Variants in NRIP1 observed in about 807,000 individuals in gnomAD.
NRIP1 encodes nuclear receptor-interacting protein 1.
Under a neutral mutation model 75.0 loss-of-function variants are expected in NRIP1, and 28 were observed. The ratio of observed to expected loss-of-function variants is 0.37; its 90% confidence interval spans 0.28 to 0.51. The LOEUF is 0.51. Ranked by LOEUF, NRIP1 falls within the 20% of genes least tolerant of loss-of-function variation. NRIP1 has a pLI of 0.92. For missense variants in NRIP1, 1,435 were observed against 1,343.7 expected, an observed-to-expected ratio of 1.07 and a Z score of -1.06; for synonymous variants, 526 against 487.6, an observed-to-expected ratio of 1.08 and a Z score of -1.04.
At chr21:15,029,344 G>C (rs996533927) in intron 2 of NRIP1, among the ~76,000 whole-genome samples, 6 of 151,980 alleles carry the variant, frequency 3.9e-5, no homozygotes, top group Non-Finnish European at 8.8e-5. Context: ...CTCCTTCCCA[G>C]AGGGCTGCAT....
intron 1 of NRIP1, among the ~76,000 whole-genome samples, chr21:15,059,382 C>G (rs1165629130): frequency 6.6e-6 from 1 of 152,072 alleles, no homozygotes; most frequent in Non-Finnish European, 1.5e-5. Context: ...ATTTTATTTT[C>G]TGGGGAGAGT....
chr21:15,040,767 A>C (rs2088935089), intron 2 of NRIP1, among the ~76,000 whole-genome samples: 1 of 152,098 alleles, frequency 6.6e-6, no homozygotes, highest in Non-Finnish European at 1.5e-5. Context: ...ATTATAATGG[A>C]ATCAGAAAAT....
At chr21:15,003,784 T>C (rs2087902372) in intron 3 of NRIP1, among the ~76,000 whole-genome samples, 1 of 152,190 alleles carries the variant, frequency 6.6e-6, no homozygotes, top group Admixed American at 6.5e-5. Context: ...GGGTGCCAAT[T>C]ACAGCAACCT....
At chr21:14,976,599 C>T (rs1213969941) in intron 3 of NRIP1, among the ~76,000 whole-genome samples, 1 of 151,952 alleles carries the variant, frequency 6.6e-6, no homozygotes, top group Non-Finnish European at 1.5e-5. Flanking sequence ...ATTTTCATTG[C>T]AATATGTTTT....
intron 3 of NRIP1, 43 bp from the exon 4 acceptor site, chr21:14,968,569 G>C (rs1349549243): frequency 1.7e-5 from 3 of 178,738 alleles, no homozygotes; most frequent in African/African-American, 7.2e-5. Context: ...GGCAGAACTA[G>C]AATCACGTTA....
intron 2 of NRIP1, among the ~76,000 whole-genome samples, chr21:15,027,018 G>A (rs1168769735): frequency 1.3e-5 from 2 of 151,820 alleles, no homozygotes; most frequent in Non-Finnish European, 2.9e-5. Context: ...ATATACACTT[G>A]TACCCACAAA....
At position 14,966,122 on chromosome 21, in the gene NRIP1, G is replaced by A. The variant is rs61755058; in HGVS notation, c.2071C>T (p.Pro691Ser). The A allele has an allele frequency of 2.7e-3, 4,301 of 1,612,526 alleles. 6 individuals are homozygous for A. Among genetic ancestry groups the A allele is most frequent in the Non-Finnish European group, 3.4e-3 (4,034 of 1,179,952 alleles). Residue 691 changes from proline (P) to serine (S), a missense_variant, in exon 4 of 4, where the codon CCA becomes TCA. By Grantham distance (74) the Pro-to-Ser change is moderately conservative. Coordinates refer to ENST00000318948, the MANE Select transcript of NRIP1 (RefSeq NM_003489.4). ...GAAAGCCCTGGTTCAGGACCTGTTG[G>A]TTGACTACTAAATGCTTTATTTTCT... ...VEENKAFSSQ[P>S]TGPEPGLSGS...
At chr21:15,023,892 T>C (rs2088441577) in intron 2 of NRIP1, among the ~76,000 whole-genome samples, 1 of 152,172 alleles carries the variant, frequency 6.6e-6, no homozygotes, top group East Asian at 1.9e-4. Flanking sequence ...AGAGAAAATA[T>C]TTGACAAAAG....
intron 3 of NRIP1, among the ~76,000 whole-genome samples, chr21:14,985,529 G>A (rs1458922598): frequency 5.3e-5 from 8 of 151,926 alleles, no homozygotes; most frequent in Admixed American, 2.6e-4. Context: ...TGATCCACCC[G>A]CCTCGGCCCC....
chr21:14,998,741 ATAGT>A (rs1373632158), intron 3 of NRIP1, among the ~76,000 whole-genome samples: 1 of 151,474 alleles, frequency 6.6e-6, no homozygotes, highest in Non-Finnish European at 1.5e-5. Context: ...TCTCTTCCTT[ATAGT>A]TTTCTTCAGA....
intron 1 of NRIP1, among the ~76,000 whole-genome samples, chr21:15,053,111 A>G (rs2089236774): frequency 6.6e-6 from 1 of 152,244 alleles, no homozygotes; most frequent in Admixed American, 6.5e-5. Context: ...TTTTAAAGTA[A>G]CATGCCATTA....
chr21:14,967,388 G>C lies in NRIP1; in HGVS notation c.805C>G (p.Leu269Val). 2 of 1,614,152 alleles carry C rather than the reference G, an allele frequency of 1.2e-6. No individual in the cohort carries two copies. Among genetic ancestry groups the C allele is most frequent in the Non-Finnish European group, 1.7e-6 (2 of 1,180,020 alleles). Residue 269 changes from leucine (L) to valine (V), a missense_variant, in exon 4 of 4, where the codon CTT (leucine) becomes GTT (valine). Transcript: ENST00000318948. ...TGCAAATGGGCTTCGCTTGACAGAA[G>C]TAATGCTAACTGGCTACAAGCAACA... is the stretch of plus-strand genomic sequence containing the variant. Reference protein sequence around the residue: ...PSVACSQLALLLSSEAHLQQY... With the variant: ...PSVACSQLALVLSSEAHLQQY...
intron 3 of NRIP1, among the ~76,000 whole-genome samples, chr21:15,004,211 A>G (rs566690994): frequency 1.3e-5 from 2 of 152,316 alleles, no homozygotes; most frequent in East Asian, 3.9e-4. Flanking sequence ...GTCGCCCACA[A>G]AATCCAAAAT....
At chr21:15,022,341 A>T (rs1054049686) in intron 2 of NRIP1, among the ~76,000 whole-genome samples, 1 of 152,210 alleles carries the variant, frequency 6.6e-6, no homozygotes, top group African/African-American at 2.4e-5. Flanking sequence ...TGATGAGAAT[A>T]CATGGACACA....
rs1040008196 is a variant in NRIP1, at chr21:14,963,252, G to C, written c.*1464C>G. ...TTGTTGGCATTGTTCTTAGGACAATGGTTTTAATAAAGGTTAAGGATGCAT... is the reference window on the plus strand; with the variant it reads ...TTGTTGGCATTGTTCTTAGGACAATCGTTTTAATAAAGGTTAAGGATGCAT... On this transcript the variant is annotated 3_prime_UTR_variant, in exon 4 of 4. Coordinates refer to ENST00000318948, the MANE Select transcript of NRIP1 (RefSeq NM_003489.4). 2 of 152,370 alleles carry C rather than the reference G, an allele frequency of 1.3e-5. No individual in the cohort carries two copies. The highest frequency in any genetic ancestry group is 2.4e-5 in the African/African-American group (1 of 41,390). The allele number at this position is 152,370 out of a possible 1,614,324, so 9.4% of individuals were successfully genotyped here.
intron 2 of NRIP1, among the ~76,000 whole-genome samples, chr21:15,020,659 T>G (rs1408759854): frequency 6.6e-6 from 1 of 152,152 alleles, no homozygotes; most frequent in Admixed American, 6.5e-5. Flanking sequence ...CTGATGAAGA[T>G]ATACTATACA....
In NRIP1 at chr21:14,962,676, C is replaced by A. The variant is rs914543287; in HGVS notation, c.*2040G>T. 3 of 152,396 alleles carry A rather than the reference C, an allele frequency of 2.0e-5. No individual in the cohort carries two copies. The highest frequency in any genetic ancestry group is 4.4e-5 in the Non-Finnish European group (3 of 67,902). The allele number at this position is 152,396 out of a possible 1,614,324, so 9.4% of individuals were successfully genotyped here. On this transcript the variant is annotated 3_prime_UTR_variant, in exon 4 of 4. Coordinates refer to ENST00000318948, the MANE Select transcript of NRIP1 (RefSeq NM_003489.4). ...CATGGAATAGAATATATTCAACTGG[C>A]CAGTGGAATTTTATGTCAGAATAAG...
chr21:15,058,135 G>A (rs2147408147), intron 1 of NRIP1, among the ~76,000 whole-genome samples: 1 of 152,224 alleles, frequency 6.6e-6, no homozygotes, highest in East Asian at 1.9e-4. Flanking sequence ...ATGCTGCCGG[G>A]GGAGATAAAA....
intron 3 of NRIP1, among the ~76,000 whole-genome samples, chr21:14,995,343 T>G (rs1324645615): frequency 6.6e-6 from 1 of 152,210 alleles, no homozygotes; most frequent in Admixed American, 6.5e-5. Flanking sequence ...TTGGGAAGAT[T>G]ACAGGCTGGA....
Sources: allele counts gnomAD v4.1 joint callset (sites outside exome capture counted in the v4.1 genomes callset), GRCh38; gene constraint gnomAD v4.1.1; transcripts MANE v1.5; gene names NCBI Gene and HGNC (gene_info 2026-07-23, HGNC 2026-07-21).